Variants in RASSF1 observed in about 807,000 individuals in gnomAD.
RASSF1 encodes the protein Ras association domain family member 1.
In RASSF1, 33 loss-of-function variants were observed where a neutral mutation model predicts 34.3. That is an observed-to-expected ratio of 0.96 (90% CI 0.73 to 1.29). The LOEUF is 1.29. Ranked by LOEUF, RASSF1 falls within the 50% of genes most tolerant of loss-of-function variation. The probability of loss-of-function intolerance (pLI) is 0.00; values close to 1 mark genes in which losing one functional copy is unlikely to be tolerated. For missense variants in RASSF1, 445 were observed against 471.8 expected (o/e 0.94, Z 0.53); for synonymous variants, 191 against 195.0 (o/e 0.98, Z 0.17).
At chr3:50,336,558 T>C (rs911401446) in intron 2 of RASSF1, 1 of 152,396 alleles carries the variant, frequency 6.6e-6, no homozygotes, top group African/African-American at 2.4e-5. Context: ...TGAATGCTTA[T>C]GGTCCAAAAC....
chr3:50,330,826 A>C lies in RASSF1; in HGVS notation c.877-99T>G, dbSNP rs1702911218. Reference sequence around the variant, plus strand: ...CTAGCACCTCATGTTCACACAAGCTAGGACTGGGCTTTCTGATGTCAGGCT... The same window carrying C: ...CTAGCACCTCATGTTCACACAAGCTCGGACTGGGCTTTCTGATGTCAGGCT... On this transcript the variant is annotated intron_variant, in intron 5 of 5. Transcript: ENST00000359365. This position sits in a 1 kb window ranked among gnomAD's most constrained non-coding sequence, Gnocchi z 4.5. 1 of 1,334,388 alleles carries C rather than the reference A, an allele frequency of 7.5e-7. No individual in the cohort carries two copies. 82.7% of individuals were successfully genotyped at this position (1,334,388 alleles called of 1,614,324 possible). A position where few individuals can be genotyped will look rare whatever the true frequency, so the allele number is the denominator to read the frequency against.
intron 2 of RASSF1, 172 bp downstream of exon 2, chr3:50,337,733 C>T: frequency 1.2e-6 from 1 of 868,740 alleles, no homozygotes; most frequent in Non-Finnish European, 1.8e-6. Context: ...CTTGCGGAGC[C>T]GGCAATCCAG....
At chr3:50,337,710 A>G in intron 2 of RASSF1, 195 bp downstream of exon 2, 1 of 834,188 alleles carries the variant, frequency 1.2e-6, no homozygotes, top group Non-Finnish European at 1.9e-6. Flanking sequence ...GTCCGCTTGC[A>G]GCGGGTGGAG....
In RASSF1 at chr3:50,331,686, G is replaced by C. The variant is rs774192411; in HGVS notation, c.633C>G (p.Val211=). 3 of 1,613,242 alleles carry C rather than the reference G, an allele frequency of 1.9e-6. No individual in the cohort carries two copies. In the African/African-American group the frequency reaches 4.0e-5, roughly 22 times the overall value. The change falls in exon 4 of 6, where the codon GTC becomes GTG. Residue 211 remains valine (V), a synonymous_variant. Transcript: ENST00000359365. ...RTSFYLPKDA[V]KHLHVLSRTR... is the part of the protein sequence containing the mutation. Reference sequence around the variant, plus strand: ...TGCGTGACAGCACATGCAGGTGCTTGACAGCATCCTTGGGCAGGTAAAAGG... The same window carrying C: ...TGCGTGACAGCACATGCAGGTGCTTCACAGCATCCTTGGGCAGGTAAAAGG...
chr3:50,340,501 C>T lies in RASSF1; in HGVS notation c.250+55G>A, dbSNP rs1050499952. 10 of 1,400,594 alleles carry T rather than the reference C, an allele frequency of 7.1e-6. No homozygotes were observed. The Middle Eastern group carries it at 7.5e-4, about 105-fold the overall frequency. 86.8% of individuals were successfully genotyped at this position (1,400,594 alleles called of 1,614,324 possible). ...GCCGCGACTTGACCCGCGGCGACTG[C>T]GCTGCCCCTTGGCTGCCCCTTCCGC... On this transcript the variant is annotated intron_variant, in intron 1 of 5. Coordinates refer to ENST00000359365, the MANE Select transcript of RASSF1 (RefSeq NM_007182.5).
Position 50,339,360 on chromosome 3 carries a change from C to CTTT in RASSF1, c.250+1193_250+1195dup, listed in dbSNP as rs1017192174. Among the ~76,000 whole-genome samples the CTTT allele has an allele frequency of 1.5e-3, 154 of 104,418 alleles. 1 individual carries two copies. Among genetic ancestry groups the CTTT allele is most frequent in the African/African-American group, 2.7e-3 (60 of 21,910 alleles). The allele number at this position is 104,418 out of a possible 152,430, so 68.5% of individuals were successfully genotyped here. On this transcript the variant is annotated intron_variant, in intron 1 of 5. Transcript: ENST00000359365. ...AACGCTGCAATGTCCCAGCCTTGTT[C>CTTT]TTTTTTTTTTTTTTTTTTTTTTTGA...
At chr3:50,336,988 T>A in intron 2 of RASSF1, 1 of 845,276 alleles carries the variant, frequency 1.2e-6, no homozygotes, top group Non-Finnish European at 1.7e-6. Context: ...GCACCCAGCA[T>A]CTAGGCGGTG....
In RASSF1 at chr3:50,331,651, C is replaced by A. The variant is rs587769866; in HGVS notation, c.668G>T (p.Arg223Leu). 1.2e-6 allele frequency: 2 copies of A among 1,612,258 alleles called. No homozygotes were observed. Among genetic ancestry groups the A allele is most frequent in the African/African-American group, 2.7e-5 (2 of 75,048 alleles). Residue 223 changes from arginine to leucine, a missense_variant, in exon 4 of 6, where the codon CGT (arginine) becomes CTT (leucine). By Grantham distance (102) the Arg-to-Leu change is moderately radical. Transcript: ENST00000359365. ...HLHVLSRTRA[R>L]EVIEALLRKF... ...TCGCAGCAGGGCCTCAATGACTTCA[C>A]GTGCCCTTGTGCGTGACAGCACATG... is the stretch of plus-strand genomic sequence containing the variant.
In RASSF1 at chr3:50,338,053, G is replaced by T. The variant is rs371809530; in HGVS notation, c.251-42C>A. ...CGGTGAGGCGGAGGAGCTCCAGGTC[G>T]GGGAAATGTCCCGGAGATTGAAGGG... On this transcript the variant is annotated intron_variant, in intron 1 of 5. Coordinates refer to ENST00000359365, the MANE Select transcript of RASSF1 (RefSeq NM_007182.5). 1.4e-5 allele frequency: 21 copies of T among 1,544,630 alleles called. No homozygotes were observed. In the African/African-American group the frequency reaches 2.6e-4, roughly 19 times the overall value.
intron 2 of RASSF1, chr3:50,337,186 G>C (rs746570654): frequency 2.5e-5 from 40 of 1,611,186 alleles, no homozygotes; most frequent in East Asian, 4.5e-5. Context: ...GTCCCGGCGC[G>C]GCCTGCGAGC....
rs1199648606 is a variant in RASSF1, at chr3:50,340,637, C to T, written c.169G>A (p.Ala57Thr). 6.6e-7 allele frequency: 1 copy of T among 1,525,276 alleles called. No individual in the cohort carries two copies. The highest frequency in any genetic ancestry group is 2.0e-5 in the Admixed American group (1 of 49,640). 94.5% of individuals were successfully genotyped at this position (1,525,276 alleles called of 1,614,324 possible). ...CACCACGTGTGCGTGGCGGGCCCCG[C>T]GGGCTGGAAGCGGTGGCCACGGCCA... ...VPGRGHRFQP[A>T]GPATHTWCDL... Residue 57 changes from alanine (A) to threonine (T), a missense_variant, in exon 1 of 6, where the codon GCG becomes ACG. Transcript: ENST00000359365.
At chr3:50,332,023 C>A (rs767300615) in intron 3 of RASSF1, 27 bp downstream of exon 3, 24 of 1,607,776 alleles carry the variant, frequency 1.5e-5, no homozygotes, top group Non-Finnish European at 1.9e-5. Flanking sequence ...CTCCTCCCCA[C>A]GCCCCCTTCC....
chr3:50,340,581 G>T lies in RASSF1; in HGVS notation c.225C>A (p.Val75=). 2 of 1,544,918 alleles carry T rather than the reference G, an allele frequency of 1.3e-6. No homozygotes were observed. Among genetic ancestry groups the T allele is most frequent in the East Asian group, 2.6e-5 (1 of 38,396 alleles). ...GCGCGCACTGCAGGCCTTTGCGCAC[G>T]ACGCCCCAGATGAAGTCGCCACAGA... The part of the protein sequence containing the change: ...CDLCGDFIWG[V]VRKGLQCAHC... Residue 75 remains valine (V), a synonymous_variant, in exon 1 of 6, where the codon GTC becomes GTA. Transcript: ENST00000359365.
At chr3:50,337,539 C>T (rs1703197131) in intron 2 of RASSF1, 9 of 1,499,800 alleles carry the variant, frequency 6.0e-6, no homozygotes, top group Non-Finnish European at 8.0e-6. Flanking sequence ...CAGGAATGAC[C>T]TCATCGCTCC....
At position 50,338,142 on chromosome 3, in the gene RASSF1, C is replaced by A. The variant is rs1031677671; in HGVS notation, c.251-131G>T. The A allele has an allele frequency of 5.5e-6, 8 of 1,463,524 alleles. No individual in the cohort carries two copies. The African/African-American group carries it at 8.5e-5, about 15-fold the overall frequency. 90.7% of individuals were successfully genotyped at this position (1,463,524 alleles called of 1,614,324 possible). A position where few individuals can be genotyped will look rare whatever the true frequency, so the allele number is the denominator to read the frequency against. ...AGGCCCGACCTATCTCAGTGGGTTA[C>A]CTCACACTGCTACGCGGACTCTAAT... On this transcript the variant is annotated intron_variant, in intron 1 of 5. Transcript: ENST00000359365.
chr3:50,331,997 C>T, intron 3 of RASSF1, 53 bp downstream of exon 3: 1 of 1,596,238 alleles, frequency 6.3e-7, no homozygotes, highest in Non-Finnish European at 8.6e-7. Context: ...GTATCAGGCA[C>T]ATAGCTGGGT....
rs140200776 is a variant in RASSF1 at position 50,331,367 on chromosome 3, A to G, written c.843T>C (p.Phe281=). The change falls in exon 5 of 6, where the codon TTT becomes TTC. Residue 281 remains phenylalanine, a synonymous_variant. Coordinates refer to ENST00000359365, the MANE Select transcript of RASSF1 (RefSeq NM_007182.5). ...CCCCAGAGTCATTTTCCTTCAGGAC[A>G]AAGCTCAGGGCCTTGTCACTGGGCC... ...LAGPSDKALS[F]VLKENDSGEV... 763 of 1,603,518 alleles carry G rather than the reference A, an allele frequency of 4.8e-4. 3 individuals are homozygous for G. The African/African-American group carries it at 9.0e-3, about 19-fold the overall frequency.
intron 2 of RASSF1, chr3:50,337,098 G>A (rs1703166034): frequency 4.8e-6 from 7 of 1,464,824 alleles, no homozygotes; most frequent in Non-Finnish European, 5.4e-6. Context: ...GACCCAGGAC[G>A]CGGCAACGGA....
intron 2 of RASSF1, among the ~76,000 whole-genome samples, chr3:50,332,791 CA>C (rs1208914382): frequency 6.6e-6 from 1 of 150,822 alleles, no homozygotes; most frequent in Non-Finnish European, 1.5e-5. Context: ...GACCCTGCTT[CA>C]AAACACAAAA....
Sources: allele counts gnomAD v4.1 joint callset (sites outside exome capture counted in the v4.1 genomes callset), GRCh38; gene constraint gnomAD v4.1.1; non-coding constraint Gnocchi (gnomAD v3.1); transcripts MANE v1.5; gene names NCBI Gene and HGNC (gene_info 2026-07-23, HGNC 2026-07-21).